The following PIGU variants were observed in gnomAD, a reference collection of about 807,000 sequenced individuals.
PIGU encodes the protein GPI-anchor transamidase component PIGU.
In PIGU, 24 loss-of-function variants were observed where a neutral mutation model predicts 49.9. The observed-to-expected ratio is 0.48, with a 90% confidence interval of 0.35 to 0.68. The LOEUF is 0.68. Among genes scored for constraint, PIGU ranks in the 30% least tolerant of loss-of-function variants. PIGU has a pLI of 0.01. For missense variants in PIGU, 490 were observed against 532.6 expected, an observed-to-expected ratio of 0.92 and a Z score of 0.79; for synonymous variants, 220 against 205.7, an observed-to-expected ratio of 1.07 and a Z score of -0.59.
intron 7 of PIGU, among the ~76,000 whole-genome samples, chr20:34,593,979 C>T (rs1237129593): frequency 6.6e-6 from 1 of 152,062 alleles, no homozygotes; most frequent in Non-Finnish European, 1.5e-5. Flanking sequence ...GAGTTCAAGA[C>T]CAGCCTGGGC....
intron 7 of PIGU, among the ~76,000 whole-genome samples, chr20:34,610,233 C>T (rs1401537665): frequency 2.0e-5 from 3 of 151,992 alleles, no homozygotes; most frequent in Non-Finnish European, 2.9e-5. Flanking sequence ...AGAAATAAAG[C>T]GTATTCAAAT....
At chr20:34,617,215 C>G (rs1034021892) in intron 6 of PIGU, among the ~76,000 whole-genome samples, 5 of 152,224 alleles carry the variant, frequency 3.3e-5, no homozygotes, top group African/African-American at 9.6e-5. Flanking sequence ...CCCAGTGGAG[C>G]TGAGAAGAGG....
At chr20:34,562,317 C>G (rs1275258783) in intron 11 of PIGU, 2 of 782,604 alleles carry the variant, frequency 2.6e-6, no homozygotes, top group Admixed American at 1.3e-4. Context: ...CACCAACCAC[C>G]TGGCACAGAT....
chr20:34,581,721 C>A, intron 9 of PIGU, 49 bp from the exon 10 acceptor site: 1 of 1,597,360 alleles, frequency 6.3e-7, no homozygotes, highest in Non-Finnish European at 8.6e-7. Context: ...AGGGACCAGG[C>A]CTACCCTAGA....
rs565203352 is a variant in PIGU at position 34,639,280 on chromosome 20, A to G, written c.319-1295T>C. 8.2e-3 allele frequency among the ~76,000 whole-genome samples: 1,247 copies of G among 152,232 alleles called. 25 individuals carry two copies. Among genetic ancestry groups the G allele is most frequent in the African/African-American group, 0.029 (1,206 of 41,532 alleles). On this transcript the variant is annotated intron_variant, in intron 4 of 11. Coordinates refer to ENST00000217446, the MANE Select transcript of PIGU (RefSeq NM_080476.5). ...GCTGGGCATGGTGGCGGGCACCTGTAGTCCCAGCTACTCGGGAGGCTGAGG... is the reference window on the plus strand; with the variant it reads ...GCTGGGCATGGTGGCGGGCACCTGTGGTCCCAGCTACTCGGGAGGCTGAGG...
chr20:34,573,607 G>A (rs1983102781), intron 11 of PIGU, among the ~76,000 whole-genome samples: 1 of 152,224 alleles, frequency 6.6e-6, no homozygotes, highest in Non-Finnish European at 1.5e-5. Context: ...GAGGCCCAGG[G>A]CAGGCCCAAT....
At chr20:34,566,068 C>T (rs1453986498) in intron 11 of PIGU, among the ~76,000 whole-genome samples, 2 of 152,020 alleles carry the variant, frequency 1.3e-5, no homozygotes, top group African/African-American at 2.4e-5. Flanking sequence ...CTCACATGCT[C>T]GCACTGCACT....
intron 7 of PIGU, among the ~76,000 whole-genome samples, chr20:34,599,442 C>T (rs899227004): frequency 2.6e-5 from 4 of 151,904 alleles, no homozygotes; most frequent in Admixed American, 6.6e-5. Flanking sequence ...AACAGAGACC[C>T]CCGTCTCAAA....
Position 34,588,454 on chromosome 20 carries a change from T to G in PIGU, c.781A>C (p.Ile261Leu). ...TTTTCTAACGTGGTCATTACTTACATAAAGCCATAGACTGCGGGGATGAAA... is the reference window on the plus strand; with the variant it reads ...TTTTCTAACGTGGTCATTACTTACAGAAAGCCATAGACTGCGGGGATGAAA... ...WDFIPAVYGF[I>L]LSVPDLTPNI... The change falls in exon 8 of 12, where the codon ATA becomes CTA. Residue 261 changes from isoleucine to leucine, a missense_variant and splice_region_variant. Transcript: ENST00000217446. The G allele has an allele frequency of 6.2e-7, 1 of 1,612,432 alleles. No homozygotes were observed. Among genetic ancestry groups the G allele is most frequent in the Non-Finnish European group, 8.5e-7 (1 of 1,179,278 alleles).
rs557073604 is a variant in PIGU at position 34,657,626 on chromosome 20, C to T, written c.131-382G>A. ...TAGTGTGAGGAAATGGGCAGTCACT[C>T]TCATATGCTGCTCATTTGAGTGACA... On this transcript the variant is annotated intron_variant, in intron 1 of 11. Transcript: ENST00000217446. Among the ~76,000 whole-genome samples, 9 of 152,300 alleles carry T rather than the reference C, an allele frequency of 5.9e-5. No individual in the cohort carries two copies. In the East Asian group the frequency reaches 1.5e-3, roughly 26 times the overall value.
intron 6 of PIGU, among the ~76,000 whole-genome samples, chr20:34,631,798 TTTTTTTTTTTTTTTTTTTA>T (rs1568649568): frequency 2.3e-4 from 7 of 30,458 alleles, no homozygotes; most frequent in African/African-American, 8.3e-4. Flanking sequence ...TTTTTTTTTT[TTTTTTTTTTTTTTTTTTTA>T]GTAGAGACGG....
chr20:34,606,044 A>T (rs2146731528), intron 7 of PIGU, among the ~76,000 whole-genome samples: 2 of 152,104 alleles, frequency 1.3e-5, no homozygotes, highest in East Asian at 3.9e-4. Context: ...TCACAAGGTC[A>T]GGAGATCGAG....
intron 1 of PIGU, among the ~76,000 whole-genome samples, chr20:34,666,387 G>T (rs913247282): frequency 6.6e-6 from 1 of 150,938 alleles, no homozygotes; most frequent in African/African-American, 2.4e-5. Context: ...TCACTTCATG[G>T]GACTATTATC....
intron 7 of PIGU, among the ~76,000 whole-genome samples, chr20:34,597,474 T>C (rs1173385398): frequency 6.6e-6 from 1 of 151,840 alleles, no homozygotes; most frequent in Admixed American, 6.6e-5. Flanking sequence ...GAAATAGGAG[T>C]GGGAATTGAT....
At chr20:34,629,398 G>C (rs952352539) in intron 6 of PIGU, among the ~76,000 whole-genome samples, 3 of 152,244 alleles carry the variant, frequency 2.0e-5, no homozygotes, top group Admixed American at 2.0e-4. Flanking sequence ...GCCTGACTAG[G>C]CTTGCTCACT....
chr20:34,592,873 C>T (rs1336724460), intron 7 of PIGU, among the ~76,000 whole-genome samples: 2 of 151,788 alleles, frequency 1.3e-5, no homozygotes, highest in Non-Finnish European at 2.9e-5. Flanking sequence ...CTGTAACTTC[C>T]AAGCAAGTAA....
intron 6 of PIGU, among the ~76,000 whole-genome samples, chr20:34,623,649 A>C (rs1985339365): frequency 6.6e-6 from 1 of 152,204 alleles, no homozygotes; most frequent in African/African-American, 2.4e-5. Flanking sequence ...GATCTCAATC[A>C]AGCACCATAA....
chr20:34,604,258 G>C (rs996389844), intron 7 of PIGU, among the ~76,000 whole-genome samples: 1 of 152,050 alleles, frequency 6.6e-6, no homozygotes, highest in Non-Finnish European at 1.5e-5. Context: ...AAAAACCCCA[G>C]CTACATTAAG....
At chr20:34,642,970 GGAGAA>G (rs985057649) in intron 4 of PIGU, among the ~76,000 whole-genome samples, 2 of 151,502 alleles carry the variant, frequency 1.3e-5, no homozygotes, top group African/African-American at 4.9e-5. Flanking sequence ...AACCTATTTC[GGAGAA>G]GAGAACAGTC....
Sources: allele counts gnomAD v4.1 joint callset (sites outside exome capture counted in the v4.1 genomes callset), GRCh38; gene constraint gnomAD v4.1.1; transcripts MANE v1.5; gene names NCBI Gene and HGNC (gene_info 2026-07-23, HGNC 2026-07-21).